USP10: variants seen among roughly 807,000 people sequenced by gnomAD.
The protein encoded by USP10 is ubiquitin specific peptidase 10, also known as ubiquitin carboxyl-terminal hydrolase 10.
USP10 carries 22 observed loss-of-function variants against 84.5 expected under a neutral mutation model. That is an observed-to-expected ratio of 0.26 (90% CI 0.19 to 0.37). USP10 has a LOEUF of 0.37. Ranked by LOEUF, USP10 falls within the 10% of genes least tolerant of loss-of-function variation. The pLI is 1.00. For synonymous variants in USP10, 454 were observed against 387.6 expected (o/e 1.17, Z -2.01); for missense variants, 1,019 against 998.9 (o/e 1.02, Z -0.27).
intron 1 of USP10, among the ~76,000 whole-genome samples, chr16:84,715,364 A>G (rs1385326179): frequency 6.6e-6 from 1 of 152,210 alleles, no homozygotes; most frequent in African/African-American, 2.4e-5. Flanking sequence ...ATAAGAAACA[A>G]CTGGGCACGT....
chr16:84,729,123 G>A (rs764384195), intron 1 of USP10, among the ~76,000 whole-genome samples: 18 of 152,172 alleles, frequency 1.2e-4, no homozygotes, highest in South Asian at 2.1e-4. Context: ...TTTTGGAATA[G>A]TGTTGATAAT....
At chr16:84,737,989 A>T (rs1910151869) in intron 2 of USP10, among the ~76,000 whole-genome samples, 1 of 152,092 alleles carries the variant, frequency 6.6e-6, no homozygotes, top group Admixed American at 6.5e-5. Flanking sequence ...TTTCTTCTGC[A>T]TGTTGTGGGA....
intron 10 of USP10, among the ~76,000 whole-genome samples, chr16:84,764,932 A>AGAGAAAGAGAG (rs1555548042): frequency 7.7e-6 from 1 of 130,214 alleles, no homozygotes; most frequent in African/African-American, 2.9e-5. Flanking sequence ...AGAGAGAGAG[A>AGAGAAAGAGAG]AAAAAAAATA....
intron 4 of USP10, among the ~76,000 whole-genome samples, chr16:84,747,551 G>A (rs1356444123): frequency 7.8e-6 from 1 of 128,832 alleles, no homozygotes; most frequent in Non-Finnish European, 1.6e-5. Flanking sequence ...TTAAAGCCAG[G>A]TGATTTTTTT....
At chr16:84,749,666 C>T (rs1911675166) in intron 4 of USP10, among the ~76,000 whole-genome samples, 1 of 152,066 alleles carries the variant, frequency 6.6e-6, no homozygotes, top group Non-Finnish European at 1.5e-5. Context: ...CATTTCTGGA[C>T]TATTTCCCCT....
intron 12 of USP10, among the ~76,000 whole-genome samples, chr16:84,774,699 T>G (rs1914810211): frequency 6.6e-6 from 1 of 152,296 alleles, no homozygotes; most frequent in African/African-American, 2.4e-5. Flanking sequence ...CTCGATCTCC[T>G]GACCTCGTGA....
At chr16:84,747,451 A>G (rs908372903) in intron 4 of USP10, among the ~76,000 whole-genome samples, 1 of 151,864 alleles carries the variant, frequency 6.6e-6, no homozygotes. Flanking sequence ...TACAAAATAC[A>G]TTATCTCAGG....
At chr16:84,761,429 C>T (rs12598730) in intron 8 of USP10, among the ~76,000 whole-genome samples, 46,493 of 152,138 alleles carry the variant, frequency 0.31, 7,984 homozygotes, top group East Asian at 0.6. Context: ...CTGGTATACC[C>T]GTGGCTATGG....
At chr16:84,705,384 A>C (rs1347886049) in intron 1 of USP10, among the ~76,000 whole-genome samples, 1 of 152,042 alleles carries the variant, frequency 6.6e-6, no homozygotes, top group Non-Finnish European at 1.5e-5. Context: ...GGCACCCGCC[A>C]CCATGCCCAG....
chr16:84,724,347 A>G (rs929452471), intron 1 of USP10, among the ~76,000 whole-genome samples: 42 of 152,358 alleles, frequency 2.8e-4, no homozygotes, highest in African/African-American at 9.6e-4. Context: ...TCTCCATGAA[A>G]GCACTTAATA....
At chr16:84,754,022 G>A (rs1346087416) in intron 4 of USP10, among the ~76,000 whole-genome samples, 1 of 152,142 alleles carries the variant, frequency 6.6e-6, no homozygotes, top group African/African-American at 2.4e-5. Context: ...GGACACAAAA[G>A]GCCACCAAGT....
At chr16:84,749,989 G>T (rs538332784) in intron 4 of USP10, among the ~76,000 whole-genome samples, 1 of 152,122 alleles carries the variant, frequency 6.6e-6, no homozygotes, top group African/African-American at 2.4e-5. Flanking sequence ...ATTTCCTTTA[G>T]CCCCAAGGGA....
chr16:84,727,711 C>T (rs1309085321), intron 1 of USP10, among the ~76,000 whole-genome samples: 1 of 152,202 alleles, frequency 6.6e-6, no homozygotes, highest in Non-Finnish European at 1.5e-5. Flanking sequence ...AATATACAGA[C>T]ATACAATATT....
chr16:84,760,075 G>C lies in USP10; in HGVS notation c.1451-97G>C. 5 of 1,512,860 alleles carry C rather than the reference G, an allele frequency of 3.3e-6. No homozygotes were observed. In the South Asian group the frequency reaches 5.7e-5, roughly 17 times the overall value. The allele number at this position is 1,512,860 out of a possible 1,614,324, so 93.7% of individuals were successfully genotyped here. A position where few individuals can be genotyped will look rare whatever the true frequency, so the allele number is the denominator to read the frequency against. ...ACACCTATGCCATTCTCAACATTCA[G>C]CCAGGTGGGAGGTGGGGGAGTTTTG... is the stretch of plus-strand genomic sequence containing the variant. On this transcript the variant is annotated intron_variant, in intron 7 of 13. Transcript: ENST00000219473.
At chr16:84,707,150 C>G (rs1403791283) in intron 1 of USP10, among the ~76,000 whole-genome samples, 3 of 152,142 alleles carry the variant, frequency 2.0e-5, no homozygotes, top group Non-Finnish European at 4.4e-5. Flanking sequence ...ACTTCTAAAT[C>G]CTTTGCTTTT....
intron 10 of USP10, among the ~76,000 whole-genome samples, chr16:84,766,907 T>A (rs1162760362): frequency 6.6e-6 from 1 of 152,200 alleles, no homozygotes; most frequent in Admixed American, 6.5e-5. Context: ...AAACTCAGCC[T>A]CTTCAGATGT....
intron 1 of USP10, among the ~76,000 whole-genome samples, chr16:84,719,352 G>A (rs1443635874): frequency 2.0e-5 from 3 of 152,176 alleles, no homozygotes; most frequent in African/African-American, 7.2e-5. Context: ...TAGTGATGGA[G>A]CTTTTACTTG....
At chr16:84,750,005 G>A (rs989393134) in intron 4 of USP10, among the ~76,000 whole-genome samples, 7 of 152,160 alleles carry the variant, frequency 4.6e-5, no homozygotes, top group Non-Finnish European at 7.3e-5. Context: ...AGGGAAGGAT[G>A]TATCTAAACA....
At chr16:84,740,903 A>T (rs1253852055) in intron 3 of USP10, among the ~76,000 whole-genome samples, 1 of 152,230 alleles carries the variant, frequency 6.6e-6, no homozygotes, top group Non-Finnish European at 1.5e-5. Context: ...ATTGCCAGAG[A>T]TGGTGCTTAT....
Sources: gnomAD v4.1 joint callset for allele counts (sites outside exome capture counted in the v4.1 genomes callset) on GRCh38, gnomAD v4.1.1 for gene constraint, MANE v1.5 for transcripts, NCBI Gene and HGNC (gene_info 2026-07-23, HGNC 2026-07-21) for gene names.